ANXA6: variants seen among roughly 807,000 people sequenced by gnomAD.
ANXA6 encodes 67 kDa calelectrin.
Under a neutral mutation model 95.4 loss-of-function variants are expected in ANXA6, and 71 were observed. The observed-to-expected ratio is 0.74, with a 90% CI of 0.61 to 0.91. The LOEUF is 0.91. ANXA6 is among the 40% of genes least tolerant of loss of function. ANXA6 has a pLI of 0.00. For synonymous variants in ANXA6, 289 were observed against 315.9 expected (o/e 0.91, Z 0.90); for missense variants, 830 against 876.4 (o/e 0.95, Z 0.67).
intron 1 of ANXA6, chr5:151,155,010 G>A (rs1183914544): frequency 4.6e-5 from 7 of 151,802 alleles, no homozygotes; most frequent in African/African-American, 1.7e-4. Context: ...CTCCCTCATA[G>A]GAGTTATGAT....
rs200856940 is a variant in ANXA6, at chr5:151,119,327, G to A, written c.1411C>T (p.Arg471Trp). The A allele has an allele frequency of 4.0e-5, 65 of 1,613,492 alleles. No individual in the cohort carries two copies. The East Asian group carries it at 5.6e-4, about 14-fold the overall frequency. Residue 471 changes from arginine to tryptophan, a missense_variant, in exon 18 of 26, where the codon CGG becomes TGG. Arg to Trp is a moderately radical substitution (Grantham distance 101, BLOSUM62 -3). Transcript: ENST00000354546. Reference sequence around the variant, plus strand: ...TCCTTATAGGCCTCATTGATGGCCCGGATTTCAGCATTGGTCCGAGTGGCC... The same window carrying A: ...TCCTTATAGGCCTCATTGATGGCCCAGATTTCAGCATTGGTCCGAGTGGCC... Reference protein sequence around the residue: ...ILATRTNAEIRAINEAYKEDY... With the variant: ...ILATRTNAEIWAINEAYKEDY...
At chr5:151,157,475 C>G (rs1422967746) in intron 1 of ANXA6, among the ~76,000 whole-genome samples, 1 of 152,242 alleles carries the variant, frequency 6.6e-6, no homozygotes, top group Non-Finnish European at 1.5e-5. Flanking sequence ...CCGCCCGCGC[C>G]TCTCCGCCCC....
At chr5:151,132,386 G>A in intron 10 of ANXA6, 90 bp downstream of exon 10, 1 of 991,296 alleles carries the variant, frequency 1.0e-6, no homozygotes, top group Non-Finnish European at 1.5e-6. Flanking sequence ...TCTATACCAT[G>A]TAATTCCCCT....
At chr5:151,105,162 T>C (rs1764661488) in intron 24 of ANXA6, 83 bp downstream of exon 24, 7 of 1,289,460 alleles carry the variant, frequency 5.4e-6, no homozygotes, top group South Asian at 1.2e-5. Flanking sequence ...AATCCTGATC[T>C]GGGGGATGGT....
intron 18 of ANXA6, 50 bp from the exon 19 acceptor site, chr5:151,117,887 G>C: frequency 6.6e-7 from 1 of 1,514,220 alleles, no homozygotes; most frequent in East Asian, 2.3e-5. Flanking sequence ...GAAGGATTTG[G>C]TTGCGGGGAG....
chr5:151,128,966 GA>G lies in ANXA6; in HGVS notation c.918+440del, dbSNP rs748867932. 3.0e-3 allele frequency among the ~76,000 whole-genome samples: 442 copies of G among 149,672 alleles called. 3 individuals carry two copies. The highest frequency in any genetic ancestry group is 4.1e-3 in the Non-Finnish European group (280 of 67,598). ...TCATCCAAAAAAAAAAAAAAAAAGG[GA>G]AAACCCCTAGCTTTACATATGTCTC... is the stretch of plus-strand genomic sequence containing the variant. On this transcript the variant is annotated intron_variant, in intron 12 of 25. Transcript: ENST00000354546.
intron 1 of ANXA6, chr5:151,155,819 T>C (rs961655207): frequency 2.0e-5 from 3 of 152,484 alleles, no homozygotes; most frequent in African/African-American, 4.8e-5. Context: ...AGAGGGGTAG[T>C]AGGTGTGCCC....
At chr5:151,106,084 C>G (rs1025036066) in intron 23 of ANXA6, among the ~76,000 whole-genome samples, 1 of 152,060 alleles carries the variant, frequency 6.6e-6, no homozygotes, top group African/African-American at 2.4e-5. Context: ...ATTTAAGGGA[C>G]CATGCAAATC....
chr5:151,146,718 G>A (rs189746214), intron 2 of ANXA6, among the ~76,000 whole-genome samples: 330 of 152,218 alleles, frequency 2.2e-3, no homozygotes, highest in Non-Finnish European at 3.1e-3. Flanking sequence ...CAATCCCATC[G>A]TCACACTGAC....
Position 151,147,903 on chromosome 5 carries a change from G to A in ANXA6, c.-2C>T. On this transcript the variant is annotated 5_prime_UTR_variant, in exon 2 of 26. Coordinates refer to ENST00000354546, the MANE Select transcript of ANXA6 (RefSeq NM_001155.5). ...CCTTACCTGTGCTGGTTTGGCCATG[G>A]TCTCCGGTTCGCAGCAGAATCCACT... is the stretch of plus-strand genomic sequence containing the variant. 6.2e-7 allele frequency: 1 copy of A among 1,605,920 alleles called. No individual in the cohort carries two copies. The highest frequency in any genetic ancestry group is 8.5e-7 in the Non-Finnish European group (1 of 1,176,188).
At position 151,137,299 on chromosome 5, in the gene ANXA6, C is replaced by T. The variant is rs768428204; in HGVS notation, c.341G>A (p.Cys114Tyr). 6.2e-7 allele frequency: 1 copy of T among 1,613,306 alleles called. No homozygotes were observed. Among genetic ancestry groups the T allele is most frequent in the Non-Finnish European group, 8.5e-7 (1 of 1,179,746 alleles). Residue 114 changes from cysteine (C) to tyrosine (Y), a missense_variant, in exon 6 of 26, where the codon TGC becomes TAC. Transcript: ENST00000354546. ...CCGGGAAGCCAAGATCTCAATGAGG[C>T]ACTTCTCATCAGTGCCAATGCCCTG... ...AISGIGTDEK[C>Y]LIEILASRTN...
chr5:151,110,597 TAAAACCCAAA>T lies in ANXA6; in HGVS notation c.1590+20_1590+29del. ...AAGGCGGACTTTACTCAGAGGCCGT[TAAAACCCAAA>T]TGAAGAACAGGACACTCACCAAGAT... On this transcript the variant is annotated intron_variant, in intron 21 of 25. Transcript: ENST00000354546. 5 of 1,612,358 alleles carry T rather than the reference TAAAACCCAAA, an allele frequency of 3.1e-6. No individual in the cohort carries two copies. The highest frequency in any genetic ancestry group is 1.3e-5 in the African/African-American group (1 of 74,896).
intron 1 of ANXA6, among the ~76,000 whole-genome samples, chr5:151,151,942 T>C (rs1766118400): frequency 6.6e-6 from 1 of 152,254 alleles, no homozygotes; most frequent in Non-Finnish European, 1.5e-5. Context: ...GCAGAATGAA[T>C]GGCCTGGGTG....
intron 1 of ANXA6, among the ~76,000 whole-genome samples, chr5:151,148,386 G>C (rs1472727165): frequency 1.3e-5 from 2 of 152,156 alleles, no homozygotes; most frequent in Non-Finnish European, 2.9e-5. Flanking sequence ...TATACTATCT[G>C]CACCATGCAT....
chr5:151,127,552 A>C (rs1765361772), intron 13 of ANXA6, among the ~76,000 whole-genome samples: 1 of 151,946 alleles, frequency 6.6e-6, no homozygotes. Flanking sequence ...CTGTCCCCAG[A>C]CCCTCTTCAC....
chr5:151,106,262 C>T (rs1345904429), intron 23 of ANXA6, among the ~76,000 whole-genome samples: 1 of 152,096 alleles, frequency 6.6e-6, no homozygotes, highest in Admixed American at 6.5e-5. Flanking sequence ...GGCTCCAGAG[C>T]CCACGCACAG....
chr5:151,132,717 A>G, intron 9 of ANXA6, 146 bp from the exon 10 acceptor site: 1 of 656,724 alleles, frequency 1.5e-6, no homozygotes, highest in Non-Finnish European at 2.6e-6. Flanking sequence ...GGCGACTGGG[A>G]GGTCACGCAC....
chr5:151,138,579 T>C lies in ANXA6; in HGVS notation c.318+99A>G, dbSNP rs1765735321. Reference sequence around the variant, plus strand: ...TGTCTTTGAAGCAGGACACATGTGCTGGGTGGGTATGGGGCTCACCAGTTG... The same window carrying C: ...TGTCTTTGAAGCAGGACACATGTGCCGGGTGGGTATGGGGCTCACCAGTTG... On this transcript the variant is annotated intron_variant, in intron 5 of 25. Coordinates refer to ENST00000354546, the MANE Select transcript of ANXA6 (RefSeq NM_001155.5). 6 of 764,996 alleles carry C rather than the reference T, an allele frequency of 7.8e-6. No homozygotes were observed. The Admixed American group carries it at 1.3e-4, about 16-fold the overall frequency. 47.4% of individuals were successfully genotyped at this position (764,996 alleles called of 1,614,324 possible).
chr5:151,153,897 AT>A (rs1326512311), intron 1 of ANXA6, among the ~76,000 whole-genome samples: 1 of 152,090 alleles, frequency 6.6e-6, no homozygotes, highest in African/African-American at 2.4e-5. Context: ...ATGAGTCATA[AT>A]TTTACACTTT....
Sources: gnomAD v4.1 joint callset for allele counts (sites outside exome capture counted in the v4.1 genomes callset) on GRCh38, gnomAD v4.1.1 for gene constraint, MANE v1.5 for transcripts, NCBI Gene and HGNC (gene_info 2026-07-23, HGNC 2026-07-21) for gene names.